RGS17: variants seen among roughly 807,000 people sequenced by gnomAD.
RGS17 encodes the protein regulator of G protein signaling 17.
Under a neutral mutation model 25.5 loss-of-function variants are expected in RGS17, and 12 were observed. That is an observed-to-expected ratio of 0.47 (90% CI 0.30 to 0.76). The LOEUF is 0.76. Among genes scored for constraint, RGS17 ranks in the 30% least tolerant of loss-of-function variants. The pLI, the probability that RGS17 is intolerant of heterozygous loss-of-function variation, is 0.07. For missense variants in RGS17, 196 were observed against 242.2 expected (o/e 0.81, Z 1.27); for synonymous variants, 71 against 76.9 (o/e 0.92, Z 0.40).
At chr6:153,053,484 C>CA (rs1776489703) in intron 1 of RGS17, among the ~76,000 whole-genome samples, 1 of 151,992 alleles carries the variant, frequency 6.6e-6, no homozygotes, top group Non-Finnish European at 1.5e-5. Context: ...GAAGAAAAAG[C>CA]AAAATATTTA....
intron 1 of RGS17, among the ~76,000 whole-genome samples, chr6:153,075,971 T>A (rs1424148617): frequency 1.3e-5 from 2 of 152,126 alleles, no homozygotes; most frequent in African/African-American, 4.8e-5. Flanking sequence ...GTAGTGGAAA[T>A]AGGGACAGTT....
rs1166627183 is a variant in RGS17, at chr6:153,045,487, G to A, written c.-25-1444C>T. ...TTATTTGTTCAGTGACTGGGTCAGG[G>A]AATTTTCCAAAATCACTGGCAGATG... is the stretch of plus-strand genomic sequence containing the variant. On this transcript the variant is annotated intron_variant, in intron 1 of 4. Transcript: ENST00000206262. Among the ~76,000 whole-genome samples, 10 of 152,290 alleles carry A rather than the reference G, an allele frequency of 6.6e-5. No homozygotes were observed. The East Asian group carries it at 1.9e-3, about 29-fold the overall frequency.
intron 1 of RGS17, among the ~76,000 whole-genome samples, chr6:153,117,182 C>A (rs1331787949): frequency 6.6e-6 from 1 of 152,090 alleles, no homozygotes; most frequent in African/African-American, 2.4e-5. Flanking sequence ...AAGAAACTTA[C>A]AATCATGGCG....
chr6:153,017,332 G>C (rs1353682022), intron 4 of RGS17, among the ~76,000 whole-genome samples: 1 of 152,156 alleles, frequency 6.6e-6, no homozygotes, highest in African/African-American at 2.4e-5. Flanking sequence ...AGGAGACAGG[G>C]AGGCAGAAAA....
chr6:153,098,300 A>G (rs1266411545), intron 1 of RGS17, among the ~76,000 whole-genome samples: 1 of 152,158 alleles, frequency 6.6e-6, no homozygotes, highest in Admixed American at 6.5e-5. Context: ...GAAAGTAAAC[A>G]TTTCCATGAT....
At position 153,077,761 on chromosome 6, in the gene RGS17, T is replaced by A. The variant is rs376209611; in HGVS notation, c.-25-33718A>T. On this transcript the variant is annotated intron_variant, in intron 1 of 4. Coordinates refer to ENST00000206262, the MANE Select transcript of RGS17 (RefSeq NM_012419.5). ...CTTAGAATTATGATGAAATTAAATTTATTAATTTTTTTCTCTCATGGCTTA... is the reference window on the plus strand; with the variant it reads ...CTTAGAATTATGATGAAATTAAATTAATTAATTTTTTTCTCTCATGGCTTA... Among the ~76,000 whole-genome samples, 35 of 152,302 alleles carry A rather than the reference T, an allele frequency of 2.3e-4. No individual in the cohort carries two copies. In the East Asian group the frequency reaches 3.1e-3, roughly 13 times the overall value.
intron 1 of RGS17, among the ~76,000 whole-genome samples, chr6:153,104,354 TA>T (rs1300293143): frequency 2.0e-5 from 3 of 152,120 alleles, no homozygotes; most frequent in Non-Finnish European, 2.9e-5. Context: ...TAACCGGGCC[TA>T]AAAAAATTGA....
intron 1 of RGS17, among the ~76,000 whole-genome samples, chr6:153,111,747 C>G (rs981304167): frequency 2.0e-5 from 3 of 152,204 alleles, no homozygotes; most frequent in Non-Finnish European, 4.4e-5. Context: ...GAGGAAGGAA[C>G]AGGCAGCAAT....
At chr6:153,034,704 T>C (rs925401147) in intron 2 of RGS17, among the ~76,000 whole-genome samples, 3 of 152,188 alleles carry the variant, frequency 2.0e-5, no homozygotes, top group African/African-American at 7.2e-5. Flanking sequence ...ATACAGCCTC[T>C]TGAAAGTCAG....
In RGS17 at chr6:153,010,698, T is replaced by C. The variant is rs1361496275; in HGVS notation, c.*876A>G. On this transcript the variant is annotated 3_prime_UTR_variant, in exon 5 of 5. Transcript: ENST00000206262. ...TATTATTATTTTTTTCTTGCTGAAG[T>C]ACATAACTTTACACAACCATTTTAA... is the stretch of plus-strand genomic sequence containing the variant. 1 of 152,042 alleles carries C rather than the reference T, an allele frequency of 6.6e-6. No homozygotes were observed. The highest frequency in any genetic ancestry group is 6.5e-5 in the Admixed American group (1 of 15,270). The allele number at this position is 152,042 out of a possible 1,614,324, so 9.4% of individuals were successfully genotyped here.
At chr6:153,109,383 T>C (rs1442000833) in intron 1 of RGS17, among the ~76,000 whole-genome samples, 3 of 152,234 alleles carry the variant, frequency 2.0e-5, no homozygotes, top group Non-Finnish European at 4.4e-5. Context: ...GAGTATCTTC[T>C]TACTTGGTCA....
At chr6:153,122,107 G>A (rs1777640910) in intron 1 of RGS17, among the ~76,000 whole-genome samples, 1 of 152,006 alleles carries the variant, frequency 6.6e-6, no homozygotes, top group Admixed American at 6.6e-5. Context: ...TGTTTTCTGA[G>A]CCCAGCCTTC....
chr6:153,074,957 G>A (rs1562327191), intron 1 of RGS17, among the ~76,000 whole-genome samples: 1 of 152,106 alleles, frequency 6.6e-6, no homozygotes, highest in Non-Finnish European at 1.5e-5. Context: ...CCGGTTTAGT[G>A]CAGTTCAGCA....
chr6:153,121,484 A>T (rs1777630528), intron 1 of RGS17, among the ~76,000 whole-genome samples: 1 of 152,196 alleles, frequency 6.6e-6, no homozygotes, highest in South Asian at 2.1e-4. Flanking sequence ...GATCCTACTA[A>T]GCCATAAATC....
At chr6:153,101,140 A>G (rs1437636474) in intron 1 of RGS17, among the ~76,000 whole-genome samples, 2 of 152,250 alleles carry the variant, frequency 1.3e-5, no homozygotes, top group Non-Finnish European at 2.9e-5. Context: ...TGTTCCAAGC[A>G]ACGGAATAAA....
chr6:153,107,989 C>A (rs1777409736), intron 1 of RGS17, among the ~76,000 whole-genome samples: 2 of 152,136 alleles, frequency 1.3e-5, no homozygotes, highest in Admixed American at 1.3e-4. Flanking sequence ...TCAGATTGCT[C>A]CAAATGAGTG....
chr6:153,077,940 C>T (rs984004162), intron 1 of RGS17, among the ~76,000 whole-genome samples: 3 of 151,572 alleles, frequency 2.0e-5, no homozygotes, highest in African/African-American at 7.3e-5. Context: ...ATGGCATGAT[C>T]TCAGCTCAAC....
At chr6:153,035,046 C>T (rs1010508150) in intron 2 of RGS17, among the ~76,000 whole-genome samples, 1 of 151,460 alleles carries the variant, frequency 6.6e-6, no homozygotes, top group Non-Finnish European at 1.5e-5. Context: ...CCCAGCTACT[C>T]GGGAGGCTGA....
At position 153,010,774 on chromosome 6, in the gene RGS17, A is replaced by G. The variant is rs557152066; in HGVS notation, c.*800T>C. On this transcript the variant is annotated 3_prime_UTR_variant, in exon 5 of 5. Transcript: ENST00000206262. ...TTAATTACAGTATTGGACATCTGATATATACATAAATTCATTTTCTTCTAT... is the reference window on the plus strand; with the variant it reads ...TTAATTACAGTATTGGACATCTGATGTATACATAAATTCATTTTCTTCTAT... The G allele has an allele frequency of 6.6e-6, 1 of 152,082 alleles. No individual in the cohort carries two copies. Among genetic ancestry groups the G allele is most frequent in the Non-Finnish European group, 1.5e-5 (1 of 67,892 alleles). The allele number at this position is 152,082 out of a possible 1,614,324, so 9.4% of individuals were successfully genotyped here.
Sources: allele counts gnomAD v4.1 joint callset (sites outside exome capture counted in the v4.1 genomes callset), GRCh38; gene constraint gnomAD v4.1.1; transcripts MANE v1.5; gene names NCBI Gene and HGNC (gene_info 2026-07-23, HGNC 2026-07-21).